Variants in PTPRN2 observed in about 807,000 individuals in gnomAD.
PTPRN2 encodes the protein protein tyrosine phosphatase receptor type N2.
PTPRN2 carries 74 observed loss-of-function variants against 118.8 expected under a neutral mutation model. That is an observed-to-expected ratio of 0.62 (90% CI 0.52 to 0.76). The LOEUF is 0.76. Ranked by LOEUF, PTPRN2 falls within the 30% of genes least tolerant of loss-of-function variation. The pLI is 0.00. For missense variants in PTPRN2, 1,481 were observed against 1,394.4 expected, an observed-to-expected ratio of 1.06 and a Z score of -0.99; for synonymous variants, 641 against 608.0, an observed-to-expected ratio of 1.05 and a Z score of -0.80.
intron 2 of PTPRN2, among the ~76,000 whole-genome samples, chr7:158,427,994 G>C (rs11767650): frequency 0.9 from 18,944 of 20,942 alleles, 8,622 homozygotes; most frequent in Non-Finnish European, 0.93. Context: ...GGCCTGCACA[G>C]CGCCGGGAAA....
At chr7:158,266,498 G>C (rs1372762041) in intron 3 of PTPRN2, among the ~76,000 whole-genome samples, 1 of 140,524 alleles carries the variant, frequency 7.1e-6, no homozygotes, top group African/African-American at 2.7e-5. Context: ...GCTGCAGTGT[G>C]ATGTCTGGCA....
intron 17 of PTPRN2, among the ~76,000 whole-genome samples, chr7:157,581,467 C>G (rs970119197): frequency 2.0e-5 from 3 of 152,180 alleles, no homozygotes; most frequent in African/African-American, 7.2e-5. Flanking sequence ...CAGTGGTTCT[C>G]AGAGACCACC....
At chr7:158,470,888 C>A (rs1819802153) in intron 2 of PTPRN2, among the ~76,000 whole-genome samples, 1 of 151,460 alleles carries the variant, frequency 6.6e-6, no homozygotes, top group South Asian at 2.1e-4. Context: ...GGCTGGAGTG[C>A]GGTGGTGAGA....
At chr7:157,862,277 T>G (rs1383715214) in intron 12 of PTPRN2, among the ~76,000 whole-genome samples, 1 of 152,244 alleles carries the variant, frequency 6.6e-6, no homozygotes, top group African/African-American at 2.4e-5. Flanking sequence ...GTCCAGGACT[T>G]CAACATATCT....
chr7:157,909,178 T>A (rs4716803), intron 11 of PTPRN2, among the ~76,000 whole-genome samples: 58,867 of 152,100 alleles, frequency 0.39, 11,802 homozygotes, highest in Admixed American at 0.5. Flanking sequence ...TTTCATTGGA[T>A]TAATTTTCAG....
chr7:157,954,040 T>C (rs749945469), intron 11 of PTPRN2, among the ~76,000 whole-genome samples: 1 of 152,234 alleles, frequency 6.6e-6, no homozygotes, highest in Non-Finnish European at 1.5e-5. Flanking sequence ...CCACTTCCAG[T>C]TTCCTGACTA....
rs1797567381 is a variant in PTPRN2, at chr7:157,903,156, TGGGAAC to T, written c.1724-4425_1724-4420del. 6.6e-6 allele frequency among the ~76,000 whole-genome samples: 1 copy of T among 151,734 alleles called. No individual in the cohort carries two copies. On this transcript the variant is annotated intron_variant, in intron 11 of 22. Coordinates refer to ENST00000389418, the MANE Select transcript of PTPRN2 (RefSeq NM_002847.5). The surrounding 1 kb of genome is among the most constrained non-coding windows in gnomAD (Gnocchi z 4.2). Reference sequence around the variant, plus strand: ...GCTGCCACACACTCTCGCACGGAAGTGGGAACTACACTCATCAGAGAACCACATGCG... The same window carrying T: ...GCTGCCACACACTCTCGCACGGAAGTTACACTCATCAGAGAACCACATGCG...
intron 12 of PTPRN2, among the ~76,000 whole-genome samples, chr7:157,830,503 G>A (rs764907721): frequency 2.6e-5 from 4 of 151,578 alleles, no homozygotes; most frequent in South Asian, 2.1e-4. Flanking sequence ...ACATCACCAC[G>A]CGGGGAGGGG....
chr7:157,685,931 C>A (rs886836338), intron 12 of PTPRN2, among the ~76,000 whole-genome samples: 3 of 152,092 alleles, frequency 2.0e-5, no homozygotes, highest in Non-Finnish European at 4.4e-5. Context: ...GGAGCCGCCC[C>A]AGGCCCACCT....
intron 3 of PTPRN2, among the ~76,000 whole-genome samples, chr7:158,213,251 T>TGTGTGG (rs1491150603): frequency 1.8e-4 from 25 of 136,702 alleles, no homozygotes; most frequent in African/African-American, 6.4e-4. Flanking sequence ...TGTGTGTGTG[T>TGTGTGG]GGCGTAGGAA....
At chr7:157,678,867 CA>C (rs1285996813) in intron 13 of PTPRN2, among the ~76,000 whole-genome samples, 5 of 152,056 alleles carry the variant, frequency 3.3e-5, no homozygotes, top group Non-Finnish European at 7.4e-5. Context: ...CAAAGATGAT[CA>C]AAGCCTCAAG....
At chr7:158,121,558 T>G (rs1301681214) in intron 9 of PTPRN2, among the ~76,000 whole-genome samples, 1 of 152,178 alleles carries the variant, frequency 6.6e-6, no homozygotes, top group Non-Finnish European at 1.5e-5. Context: ...TCTCCTTTTC[T>G]AGCATGTTTC....
intron 17 of PTPRN2, among the ~76,000 whole-genome samples, chr7:157,593,006 C>T (rs573494457): frequency 9.6e-5 from 13 of 134,996 alleles, no homozygotes; most frequent in Non-Finnish European, 1.6e-4. Context: ...AGAGGCTTCA[C>T]GCAGGACGGA....
intron 1 of PTPRN2, among the ~76,000 whole-genome samples, chr7:158,542,829 C>T (rs868384407): frequency 4.6e-5 from 7 of 152,280 alleles, no homozygotes; most frequent in South Asian, 4.1e-4. Flanking sequence ...CAGGGCAATG[C>T]TGTGGAATTC....
intron 4 of PTPRN2, among the ~76,000 whole-genome samples, chr7:158,204,381 C>A (rs1378148890): frequency 1.3e-5 from 2 of 152,240 alleles, no homozygotes; most frequent in Non-Finnish European, 2.9e-5. Context: ...TGCCAGGACA[C>A]TTAACTGCTT....
At chr7:157,975,050 A>G (rs1802637267) in intron 11 of PTPRN2, among the ~76,000 whole-genome samples, 2 of 152,188 alleles carry the variant, frequency 1.3e-5, no homozygotes, top group South Asian at 4.1e-4. Flanking sequence ...CTCACACTAA[A>G]GGCCTGGCCC....
chr7:157,707,098 C>T lies in PTPRN2; in HGVS notation c.1789-24161G>A, dbSNP rs949252720. Among the ~76,000 whole-genome samples the T allele has an allele frequency of 3.9e-5, 6 of 152,190 alleles. No individual in the cohort carries two copies. In the East Asian group the frequency reaches 5.8e-4, roughly 15 times the overall value. Reference sequence around the variant, plus strand: ...TAATAGTAAAACATATTTTCTGATACGCAGGTACCTGGGAATCTATAGATT... The same window carrying T: ...TAATAGTAAAACATATTTTCTGATATGCAGGTACCTGGGAATCTATAGATT... On this transcript the variant is annotated intron_variant, in intron 12 of 22. Coordinates refer to ENST00000389418, the MANE Select transcript of PTPRN2 (RefSeq NM_002847.5).
At chr7:157,713,641 C>A (rs1375659355) in intron 12 of PTPRN2, among the ~76,000 whole-genome samples, 5 of 152,234 alleles carry the variant, frequency 3.3e-5, no homozygotes, top group African/African-American at 1.2e-4. Context: ...GGCAAGCACA[C>A]TGGTCTGCGG....
At chr7:157,810,255 G>A (rs184191300) in intron 12 of PTPRN2, among the ~76,000 whole-genome samples, 19 of 152,378 alleles carry the variant, frequency 1.2e-4, no homozygotes, top group Admixed American at 7.8e-4. Flanking sequence ...CATCATGGTC[G>A]CAGCGCACCA....
Sources: allele counts gnomAD v4.1 joint callset (sites outside exome capture counted in the v4.1 genomes callset), GRCh38; gene constraint gnomAD v4.1.1; non-coding constraint Gnocchi (gnomAD v3.1); transcripts MANE v1.5; gene names NCBI Gene and HGNC (gene_info 2026-07-23, HGNC 2026-07-21).